Variants in DECR1 observed in about 807,000 individuals in gnomAD.
The protein encoded by DECR1 is 2,4-dienoyl-CoA reductase [(3E)-enoyl-CoA-producing], mitochondrial.
A neutral mutation model predicts 38.8 loss-of-function variants in DECR1; 44 were observed. The observed-to-expected ratio is 1.13, with a 90% confidence interval of 0.89 to 1.46. DECR1 has a LOEUF of 1.46. Among genes scored for constraint, DECR1 ranks in the 40% most tolerant of loss-of-function variants. DECR1 has a pLI of 0.00. For synonymous variants in DECR1, 148 were observed against 135.2 expected (o/e 1.09, Z -0.66); for missense variants, 428 against 405.5 (o/e 1.06, Z -0.48).
intron 7 of DECR1, 147 bp downstream of exon 7, chr8:90,042,947 A>G (rs1813799714): frequency 1.5e-6 from 1 of 650,128 alleles, no homozygotes; most frequent in Admixed American, 2.7e-5. Flanking sequence ...GCCTTTATTC[A>G]TTATCGAATA....
chr8:90,050,202 C>T (rs558904340), intron 8 of DECR1, among the ~76,000 whole-genome samples: 2 of 152,316 alleles, frequency 1.3e-5, no homozygotes, highest in Admixed American at 6.5e-5. Context: ...TAAAGAGCCT[C>T]TGCACAGCAA....
chr8:90,051,916 C>G lies in DECR1; in HGVS notation c.*19C>G. The G allele has an allele frequency of 3.7e-6, 6 of 1,608,852 alleles. No homozygotes were observed. The highest frequency in any genetic ancestry group is 1.3e-5 in the African/African-American group (1 of 74,912). ...TTCCTAAGACCACTTTGGCCTTCAT[C>G]TTGGTTACAGAAAAGGGAATAGAAA... On this transcript the variant is annotated 3_prime_UTR_variant, in exon 10 of 10. Coordinates refer to ENST00000220764, the MANE Select transcript of DECR1 (RefSeq NM_001359.2).
intron 1 of DECR1, among the ~76,000 whole-genome samples, chr8:90,014,342 A>G (rs987966669): frequency 2.6e-5 from 4 of 152,176 alleles, no homozygotes; most frequent in East Asian, 1.9e-4. Context: ...GATCATCTCA[A>G]TGGGTCTTAA....
intron 1 of DECR1, chr8:90,006,411 C>A: frequency 1.5e-6 from 1 of 670,544 alleles, no homozygotes. Flanking sequence ...GAAGGCCCAG[C>A]ATAAAGGTTA....
chr8:90,042,434 A>G (rs911074545), intron 6 of DECR1: 1 of 323,254 alleles, frequency 3.1e-6, no homozygotes, highest in Admixed American at 4.5e-5. Flanking sequence ...GTGGTGTAGC[A>G]TAGTGGTTAA....
At chr8:90,021,931 T>C (rs1458179724) in intron 5 of DECR1, among the ~76,000 whole-genome samples, 2 of 152,222 alleles carry the variant, frequency 1.3e-5, no homozygotes, top group Middle Eastern at 6.3e-3. Flanking sequence ...CAAACATGTC[T>C]AATGTATATA....
At chr8:90,013,398 CG>C (rs1812932298) in intron 1 of DECR1, among the ~76,000 whole-genome samples, 3 of 81,406 alleles carry the variant, frequency 3.7e-5, no homozygotes, top group African/African-American at 1.5e-4. Context: ...CCTCTTCTTT[CG>C]TTTTTTTTTT....
At chr8:90,021,992 C>T (rs1327494401) in intron 5 of DECR1, among the ~76,000 whole-genome samples, 2 of 152,168 alleles carry the variant, frequency 1.3e-5, no homozygotes, top group African/African-American at 2.4e-5. Flanking sequence ...ATTCACCTGA[C>T]AGACACTTAC....
intron 1 of DECR1, among the ~76,000 whole-genome samples, chr8:90,006,511 G>T (rs967520380): frequency 1.3e-5 from 2 of 152,188 alleles, no homozygotes; most frequent in Non-Finnish European, 2.9e-5. Flanking sequence ...GTCCTGCAGG[G>T]TGGGAGTGGA....
At chr8:90,005,327 C>T (rs1342848038) in intron 1 of DECR1, 1 of 456,144 alleles carries the variant, frequency 2.2e-6, no homozygotes, top group Non-Finnish European at 4.4e-6. Flanking sequence ...AGAAGAAGAG[C>T]TGATTCCTGC....
intron 8 of DECR1, 41 bp from the exon 9 acceptor site, chr8:90,051,636 A>G: frequency 1.3e-6 from 2 of 1,540,512 alleles, no homozygotes; most frequent in South Asian, 2.3e-5. Context: ...AAACTTTTTA[A>G]AAGGAGTTAG....
At chr8:90,028,755 CTTCT>C (rs1813417965) in intron 5 of DECR1, among the ~76,000 whole-genome samples, 1 of 150,126 alleles carries the variant, frequency 6.7e-6, no homozygotes, top group South Asian at 2.1e-4. Flanking sequence ...TCTTTCCTTC[CTTCT>C]TTTTTTCTTT....
chr8:90,031,547 G>A (rs1805869), intron 5 of DECR1, among the ~76,000 whole-genome samples: 77,287 of 151,958 alleles, frequency 0.51, 21,996 homozygotes, highest in African/African-American at 0.77. Flanking sequence ...TATTATTTAT[G>A]TAGGGTTATT....
At chr8:90,045,808 C>T (rs758241504) in intron 8 of DECR1, among the ~76,000 whole-genome samples, 1 of 152,196 alleles carries the variant, frequency 6.6e-6, no homozygotes, top group African/African-American at 2.4e-5. Context: ...ACACCTCATA[C>T]AGCCAGGTGC....
intron 1 of DECR1, chr8:90,015,519 C>A: frequency 5.2e-6 from 2 of 383,302 alleles, no homozygotes; most frequent in Non-Finnish European, 1.1e-5. Context: ...ACATTATAAA[C>A]ATTTTCTTGT....
At chr8:90,004,054 C>G (rs1217128270) in intron 1 of DECR1, among the ~76,000 whole-genome samples, 1 of 151,614 alleles carries the variant, frequency 6.6e-6, no homozygotes, top group East Asian at 1.9e-4. Flanking sequence ...TTTTTTGATT[C>G]ATTCTTTGAT....
At chr8:90,015,941 T>C (rs1812996365) in intron 1 of DECR1, among the ~76,000 whole-genome samples, 1 of 152,246 alleles carries the variant, frequency 6.6e-6, no homozygotes, top group African/African-American at 2.4e-5. Flanking sequence ...GTTTGGAAGA[T>C]TAAATAGTTT....
chr8:90,027,526 A>G (rs1007240551), intron 5 of DECR1, among the ~76,000 whole-genome samples: 5 of 152,118 alleles, frequency 3.3e-5, no homozygotes, highest in African/African-American at 9.7e-5. Flanking sequence ...GTTTTATCAG[A>G]GACTAGGATT....
rs142819801 is a variant in DECR1 at position 90,002,924 on chromosome 8, A to G, written c.69+1363A>G. 2.2e-3 allele frequency among the ~76,000 whole-genome samples: 338 copies of G among 152,324 alleles called. 2 individuals carry two copies. The highest frequency in any genetic ancestry group is 7.0e-3 in the African/African-American group (291 of 41,572). On this transcript the variant is annotated intron_variant, in intron 1 of 9. Transcript: ENST00000220764. ...GAGATTTCATTTTTTAACACACATC[A>G]TTAGGATTGTAGCAATAAGGTCATA...
Sources: gnomAD v4.1 joint callset for allele counts (sites outside exome capture counted in the v4.1 genomes callset) on GRCh38, gnomAD v4.1.1 for gene constraint, MANE v1.5 for transcripts, NCBI Gene and HGNC (gene_info 2026-07-23, HGNC 2026-07-21) for gene names.